The following XRCC5 variants were observed in gnomAD, a reference collection of about 807,000 sequenced individuals.
XRCC5 encodes the protein DNA repair protein Ku80.
A neutral mutation model predicts 95.7 loss-of-function variants in XRCC5; 12 were observed. That is an observed-to-expected ratio of 0.13 (90% confidence interval 0.08 to 0.20). XRCC5 has a LOEUF of 0.20. Among genes scored for constraint, XRCC5 ranks in the 10% least tolerant of loss-of-function variants. XRCC5 has a pLI of 1.00. For missense variants in XRCC5, 595 were observed against 873.9 expected (o/e 0.68, Z 4.02); for synonymous variants, 281 against 290.3 (o/e 0.97, Z 0.33).
At chr2:216,138,238 C>A (rs2106013197) in intron 12 of XRCC5, 59 bp downstream of exon 12, 3 of 1,482,652 alleles carry the variant, frequency 2.0e-6, no homozygotes, top group Non-Finnish European at 1.9e-6. Context: ...TGGGAAATCA[C>A]CTGTCTGCTA....
chr2:216,137,964 C>A, intron 11 of XRCC5, 125 bp from the exon 12 acceptor site: 1 of 730,944 alleles, frequency 1.4e-6, no homozygotes, highest in Non-Finnish European at 2.2e-6. Flanking sequence ...TTTTCATATG[C>A]CAGAGTTGGG....
At chr2:216,115,016 G>T (rs1326392473) in intron 2 of XRCC5, among the ~76,000 whole-genome samples, 1 of 148,596 alleles carries the variant, frequency 6.7e-6, no homozygotes, top group African/African-American at 2.6e-5. Context: ...GGGCGGGGCG[G>T]TCTAAAAACT....
chr2:216,161,461 A>G (rs1688949344), intron 15 of XRCC5, among the ~76,000 whole-genome samples: 1 of 152,242 alleles, frequency 6.6e-6, no homozygotes, highest in African/African-American at 2.4e-5. Context: ...TTCTGAGGAC[A>G]TGTTCAACCT....
At chr2:216,193,579 T>C (rs1303328857) in intron 18 of XRCC5, among the ~76,000 whole-genome samples, 1 of 152,236 alleles carries the variant, frequency 6.6e-6, no homozygotes, top group Non-Finnish European at 1.5e-5. Flanking sequence ...CTTTAACTTC[T>C]GCACTGGAGA....
At chr2:216,196,510 G>A (rs905968514) in intron 19 of XRCC5, among the ~76,000 whole-genome samples, 9 of 152,178 alleles carry the variant, frequency 5.9e-5, no homozygotes, top group African/African-American at 2.2e-4. Flanking sequence ...GTGTGCGTGT[G>A]TCTGTGTGTG....
At chr2:216,139,519 C>T (rs6742462) in intron 12 of XRCC5, among the ~76,000 whole-genome samples, 8,711 of 152,156 alleles carry the variant, frequency 0.057, 789 homozygotes, top group African/African-American at 0.2. Flanking sequence ...CATTTACCTC[C>T]CCCTGGGTCT....
At chr2:216,179,148 T>C (rs1689334316) in intron 16 of XRCC5, among the ~76,000 whole-genome samples, 1 of 152,168 alleles carries the variant, frequency 6.6e-6, no homozygotes, top group Admixed American at 6.5e-5. Context: ...CTGAGAGGTA[T>C]GGGGGAGAAT....
intron 11 of XRCC5, 131 bp from the exon 12 acceptor site, chr2:216,137,958 C>A: frequency 1.4e-6 from 1 of 696,904 alleles, no homozygotes; most frequent in Non-Finnish European, 2.4e-6. Context: ...CTTCACTTTT[C>A]ATATGCCAGA....
chr2:216,187,786 GACACAC>G (rs149998611), intron 16 of XRCC5, among the ~76,000 whole-genome samples: 2,702 of 63,816 alleles, frequency 0.042, 125 homozygotes, highest in East Asian at 0.08. Context: ...ATGAACTCCT[GACACAC>G]ACACACACAC....
intron 16 of XRCC5, chr2:216,175,850 C>T (rs1689262801): frequency 2.3e-6 from 1 of 430,226 alleles, no homozygotes; most frequent in Non-Finnish European, 4.5e-6. Context: ...TGTGAGTGTG[C>T]CCCCTTTCTC....
At chr2:216,109,547 G>A in intron 1 of XRCC5, 90 bp downstream of exon 1, 1 of 1,564,224 alleles carries the variant, frequency 6.4e-7, no homozygotes, top group Non-Finnish European at 8.7e-7. Context: ...TCGCGGTCAA[G>A]ACAAAGAATG....
chr2:216,197,903 A>G (rs1290816581), intron 19 of XRCC5, among the ~76,000 whole-genome samples: 1 of 152,214 alleles, frequency 6.6e-6, no homozygotes, highest in Non-Finnish European at 1.5e-5. Flanking sequence ...CTAAAGAACC[A>G]TTCACATTGT....
intron 18 of XRCC5, among the ~76,000 whole-genome samples, chr2:216,193,012 T>C (rs745952955): frequency 2.6e-5 from 4 of 152,186 alleles, no homozygotes; most frequent in African/African-American, 7.2e-5. Context: ...TGGCTGTGCC[T>C]TTCTGTTTGT....
At chr2:216,168,022 T>C (rs916207690) in intron 16 of XRCC5, among the ~76,000 whole-genome samples, 9 of 152,216 alleles carry the variant, frequency 5.9e-5, no homozygotes, top group Non-Finnish European at 2.9e-5. Flanking sequence ...CCTCAGAACC[T>C]GACAATCCAG....
chr2:216,131,135 G>T, intron 9 of XRCC5, 148 bp downstream of exon 9: 3 of 1,416,854 alleles, frequency 2.1e-6, no homozygotes, highest in Non-Finnish European at 2.7e-6. Flanking sequence ...GCCATGGTAT[G>T]TATTTTATAC....
intron 16 of XRCC5, among the ~76,000 whole-genome samples, chr2:216,189,415 C>A (rs948769097): frequency 6.6e-6 from 1 of 152,232 alleles, no homozygotes; most frequent in Non-Finnish European, 1.5e-5. Flanking sequence ...TTTTGATCTG[C>A]ACAGCATTAA....
chr2:216,132,495 A>G (rs1037085666), intron 10 of XRCC5, 108 bp downstream of exon 10: 25 of 1,120,950 alleles, frequency 2.2e-5, no homozygotes, highest in Non-Finnish European at 3.1e-5. Flanking sequence ...AATTCTTGCA[A>G]TAGGAGTGGG....
chr2:216,123,031 G>A (rs1208252743), intron 6 of XRCC5, among the ~76,000 whole-genome samples: 2 of 152,116 alleles, frequency 1.3e-5, no homozygotes, highest in Admixed American at 6.5e-5. Context: ...GGTTCAATTT[G>A]GTAAAAGTGG....
intron 3 of XRCC5, chr2:216,117,104 AT>A (rs1305048687): frequency 2.1e-6 from 1 of 486,816 alleles, no homozygotes; most frequent in Non-Finnish European, 3.7e-6. Context: ...AAGGGGGAAG[AT>A]CCTAGGGAGT....
Sources: gnomAD v4.1 joint callset for allele counts (sites outside exome capture counted in the v4.1 genomes callset) on GRCh38, gnomAD v4.1.1 for gene constraint, MANE v1.5 for transcripts, NCBI Gene and HGNC (gene_info 2026-07-23, HGNC 2026-07-21) for gene names.